Variants in NKAIN3 observed in about 807,000 individuals in gnomAD.
NKAIN3 encodes sodium/potassium-transporting ATPase subunit beta-1-interacting protein 3.
In NKAIN3, 25 loss-of-function variants were observed where a neutral mutation model predicts 30.2. That is an observed-to-expected ratio of 0.83 (90% CI 0.60 to 1.16). The LOEUF is 1.16. Ranked by LOEUF, NKAIN3 falls within the 50% of genes most tolerant of loss-of-function variation. The pLI, the probability that NKAIN3 is intolerant of heterozygous loss-of-function variation, is 0.00. For synonymous variants in NKAIN3, 91 were observed against 89.6 expected, an observed-to-expected ratio of 1.02 and a Z score of -0.09; for missense variants, 225 against 254.1, an observed-to-expected ratio of 0.89 and a Z score of 0.78.
chr8:62,791,238 T>A (rs1367194570), intron 4 of NKAIN3, among the ~76,000 whole-genome samples: 2 of 152,044 alleles, frequency 1.3e-5, no homozygotes, highest in South Asian at 2.1e-4. Context: ...GTGGAGAATA[T>A]AAAATGAACC....
chr8:62,338,919 A>C (rs1396240545), intron 1 of NKAIN3, among the ~76,000 whole-genome samples: 1 of 152,128 alleles, frequency 6.6e-6, no homozygotes, highest in South Asian at 2.1e-4. Context: ...CTCTTTTGGC[A>C]ACACCCTCAT....
intron 4 of NKAIN3, among the ~76,000 whole-genome samples, chr8:62,756,009 A>G (rs1162762897): frequency 6.6e-6 from 1 of 152,168 alleles, no homozygotes; most frequent in Admixed American, 6.6e-5. Flanking sequence ...GTGATTTTAA[A>G]TCACTTCATT....
At chr8:62,374,678 A>C (rs746801984) in intron 1 of NKAIN3, among the ~76,000 whole-genome samples, 2 of 152,228 alleles carry the variant, frequency 1.3e-5, no homozygotes, top group Non-Finnish European at 2.9e-5. Context: ...CAAATTAAAC[A>C]GTTCTAGCAG....
intron 4 of NKAIN3, among the ~76,000 whole-genome samples, chr8:62,768,004 C>T (rs58182261): frequency 0.2 from 31,083 of 151,920 alleles, 3,742 homozygotes; most frequent in African/African-American, 0.32. Flanking sequence ...CTAGACAATT[C>T]AAAATCATAT....
chr8:62,544,828 G>T (rs569091432), intron 1 of NKAIN3, among the ~76,000 whole-genome samples: 1 of 152,150 alleles, frequency 6.6e-6, no homozygotes, highest in South Asian at 2.1e-4. Flanking sequence ...ATAGCCTATT[G>T]TTGATGGAAG....
intron 4 of NKAIN3, among the ~76,000 whole-genome samples, chr8:62,858,542 T>A (rs1820135363): frequency 6.6e-6 from 1 of 152,058 alleles, no homozygotes; most frequent in Non-Finnish European, 1.5e-5. Context: ...ATACCGTATG[T>A]GCAGGTTGAG....
At chr8:62,278,680 C>T (rs150465805) in intron 1 of NKAIN3, among the ~76,000 whole-genome samples, 2,231 of 152,218 alleles carry the variant, frequency 0.015, 48 homozygotes, top group African/African-American at 0.049. Context: ...TTTCCAGCTT[C>T]ATCCATGTCC....
intron 4 of NKAIN3, among the ~76,000 whole-genome samples, chr8:62,812,767 A>G (rs1818531628): frequency 6.6e-6 from 1 of 151,992 alleles, no homozygotes; most frequent in East Asian, 1.9e-4. Flanking sequence ...AATTTATTCA[A>G]TGCTATTTTC....
At position 62,486,173 on chromosome 8, in the gene NKAIN3, A is replaced by G. The variant is rs1420946471; in HGVS notation, c.55-93366A>G. Among the ~76,000 whole-genome samples the G allele has an allele frequency of 1.1e-4, 16 of 152,286 alleles. No homozygotes were observed. The East Asian group carries it at 2.9e-3, about 28-fold the overall frequency. ...GACACCAACATTTTAGAGGCAAAAT[A>G]AAATGAGTCGGCAAAGGAGATTGAG... is the stretch of plus-strand genomic sequence containing the variant. On this transcript the variant is annotated intron_variant, in intron 1 of 6. Transcript: ENST00000623646.
At chr8:62,305,955 C>A (rs1814223710) in intron 1 of NKAIN3, among the ~76,000 whole-genome samples, 1 of 150,468 alleles carries the variant, frequency 6.6e-6, no homozygotes, top group Admixed American at 6.6e-5. Flanking sequence ...CAGTGGGGCA[C>A]AAAAGAACAT....
rs764000681 is a variant in NKAIN3 at position 62,565,494 on chromosome 8, C to T, written c.55-14045C>T. On this transcript the variant is annotated intron_variant, in intron 1 of 6. Transcript: ENST00000623646. ...TTTCCTGATTTTACAGAGGGGAAAC[C>T]GAGGCACAGAGTTTAAGGATGTTGC... 5.9e-5 allele frequency among the ~76,000 whole-genome samples: 9 copies of T among 151,894 alleles called. No homozygotes were observed. In the South Asian group the frequency reaches 6.2e-4, roughly 11 times the overall value.
At chr8:62,807,623 G>T (rs548784177) in intron 4 of NKAIN3, among the ~76,000 whole-genome samples, 6 of 148,244 alleles carry the variant, frequency 4.0e-5, no homozygotes, top group African/African-American at 1.5e-4. Flanking sequence ...CTCGATCTCG[G>T]CTCACTGCAA....
intron 1 of NKAIN3, among the ~76,000 whole-genome samples, chr8:62,528,299 ATTATATTATATATATATAT>A (rs1389558264): frequency 9.1e-6 from 1 of 109,372 alleles, no homozygotes; most frequent in Non-Finnish European, 1.8e-5. Flanking sequence ...ATATATATAT[ATTATATTATATATATATAT>A]TATATAATAT....
chr8:62,849,967 C>T (rs1473803137), intron 4 of NKAIN3, among the ~76,000 whole-genome samples: 2 of 151,992 alleles, frequency 1.3e-5, no homozygotes, highest in Non-Finnish European at 2.9e-5. Context: ...TGGGTATATA[C>T]CCAGTAATGC....
At chr8:62,293,045 A>G (rs1237756646) in intron 1 of NKAIN3, among the ~76,000 whole-genome samples, 3 of 152,130 alleles carry the variant, frequency 2.0e-5, no homozygotes, top group Non-Finnish European at 4.4e-5. Context: ...TTGTGCATGC[A>G]TCGTGTAGTT....
chr8:62,892,935 G>A (rs903399680), intron 4 of NKAIN3, among the ~76,000 whole-genome samples: 1 of 152,126 alleles, frequency 6.6e-6, no homozygotes, highest in Non-Finnish European at 1.5e-5. Flanking sequence ...ATAAAGGGAT[G>A]GGGAGGGATC....
intron 4 of NKAIN3, among the ~76,000 whole-genome samples, chr8:62,777,503 A>G (rs748756316): frequency 1.7e-4 from 26 of 152,102 alleles, no homozygotes; most frequent in Admixed American, 3.9e-4. Flanking sequence ...ATTCATCCAT[A>G]TGCCAGACAT....
intron 1 of NKAIN3, among the ~76,000 whole-genome samples, chr8:62,313,382 C>T (rs1277513789): frequency 6.6e-6 from 1 of 151,952 alleles, no homozygotes; most frequent in Non-Finnish European, 1.5e-5. Context: ...ATTCTTCTTT[C>T]AGAATCCTAT....
At chr8:62,854,676 G>A (rs572278523) in intron 4 of NKAIN3, among the ~76,000 whole-genome samples, 44 of 152,146 alleles carry the variant, frequency 2.9e-4, no homozygotes, top group African/African-American at 9.4e-4. Flanking sequence ...CTTTTAATTG[G>A]GGCATGTAGC....
Sources: gnomAD v4.1 joint callset for allele counts (sites outside exome capture counted in the v4.1 genomes callset) on GRCh38, gnomAD v4.1.1 for gene constraint, MANE v1.5 for transcripts, NCBI Gene and HGNC (gene_info 2026-07-23, HGNC 2026-07-21) for gene names.